Variants in SEZ6L observed in about 807,000 individuals in gnomAD.
SEZ6L encodes seizure 6-like protein.
Under a neutral mutation model 106.2 loss-of-function variants are expected in SEZ6L, and 37 were observed. That is an observed-to-expected ratio of 0.35 (90% CI 0.27 to 0.46). The LOEUF is 0.46. Ranked by LOEUF, SEZ6L falls within the 20% of genes least tolerant of loss-of-function variation. SEZ6L has a pLI of 1.00. For missense variants in SEZ6L, 1,172 were observed against 1,332.8 expected, an observed-to-expected ratio of 0.88 and a Z score of 1.88; for synonymous variants, 541 against 570.4, an observed-to-expected ratio of 0.95 and a Z score of 0.73.
chr22:26,173,740 C>G (rs916256509), intron 1 of SEZ6L, among the ~76,000 whole-genome samples: 1 of 152,206 alleles, frequency 6.6e-6, no homozygotes, highest in Non-Finnish European at 1.5e-5. Flanking sequence ...AGGGCGCCAA[C>G]AGACTCAGTA....
At chr22:26,262,818 G>A (rs1438387140) in intron 1 of SEZ6L, among the ~76,000 whole-genome samples, 1 of 152,154 alleles carries the variant, frequency 6.6e-6, no homozygotes, top group Non-Finnish European at 1.5e-5. Flanking sequence ...TCCCTAAAGG[G>A]AGACCACCAT....
rs5752297 is a variant in SEZ6L at position 26,253,374 on chromosome 22, A to C, written c.95-39032A>C. On this transcript the variant is annotated intron_variant, in intron 1 of 16. Coordinates refer to ENST00000248933, the MANE Select transcript of SEZ6L (RefSeq NM_021115.5). ...GGTGGTACTGCTGCTGCTGCTGATG[A>C]TGATGATATTTAGTTGGTTTTTTTG... Among the ~76,000 whole-genome samples, 189 of 152,272 alleles carry C rather than the reference A, an allele frequency of 1.2e-3. 4 individuals are homozygous for C. In the East Asian group the frequency reaches 0.027, roughly 22 times the overall value.
intron 1 of SEZ6L, among the ~76,000 whole-genome samples, chr22:26,204,900 G>T (rs138602901): frequency 1.6e-3 from 250 of 152,272 alleles, no homozygotes; most frequent in African/African-American, 5.8e-3. Flanking sequence ...CACTGCCCCT[G>T]CCCAGCTCTA....
chr22:26,313,793 G>T lies in SEZ6L; in HGVS notation c.1906G>T (p.Ala636Ser), dbSNP rs770163392. The change falls in exon 9 of 17, where the codon GCT becomes TCT. Residue 636 changes from alanine (A) to serine (S), a missense_variant. Physicochemically the swap from Ala to Ser is moderately conservative, Grantham distance 99 (BLOSUM62 1). Transcript: ENST00000248933. ...AMCGGELSAV[A>S]GVVLSPNWPE... ...GTGTGGTGGGGAGCTCTCTGCTGTG[G>T]CTGGGGTGGTATTGTCCCCAAACTG... 3.1e-6 allele frequency: 5 copies of T among 1,612,234 alleles called. No individual in the cohort carries two copies. The South Asian group carries it at 5.5e-5, about 18-fold the overall frequency.
At chr22:26,340,206 C>A (rs2082783547) in intron 9 of SEZ6L, among the ~76,000 whole-genome samples, 1 of 152,116 alleles carries the variant, frequency 6.6e-6, no homozygotes. Context: ...TGCACTCTAG[C>A]CTGGGTGACA....
chr22:26,246,995 C>T (rs530485539), intron 1 of SEZ6L, among the ~76,000 whole-genome samples: 1 of 152,268 alleles, frequency 6.6e-6, no homozygotes, highest in East Asian at 1.9e-4. Context: ...TTTGCAGACT[C>T]TAGAAGGCTT....
intron 9 of SEZ6L, among the ~76,000 whole-genome samples, chr22:26,334,622 A>G (rs2082589763): frequency 6.6e-6 from 1 of 152,160 alleles, no homozygotes; most frequent in Non-Finnish European, 1.5e-5. Context: ...AAGTCAGGAA[A>G]CCACCGAGGT....
chr22:26,240,673 A>C (rs1184861150), intron 1 of SEZ6L, among the ~76,000 whole-genome samples: 2 of 152,146 alleles, frequency 1.3e-5, no homozygotes, highest in Non-Finnish European at 2.9e-5. Flanking sequence ...TTAGTGGAGC[A>C]CCTACTGTGT....
At chr22:26,225,031 CTT>C (rs2078594950) in intron 1 of SEZ6L, among the ~76,000 whole-genome samples, 1 of 152,158 alleles carries the variant, frequency 6.6e-6, no homozygotes, top group South Asian at 2.1e-4. Context: ...ATAAGCTACT[CTT>C]AACAAATGAA....
In SEZ6L at chr22:26,347,793, T is replaced by C; in HGVS notation, c.2287T>C (p.Leu763=). The change falls in exon 11 of 17, where the codon TTG becomes CTG. Residue 763 remains leucine (L), a synonymous_variant. Transcript: ENST00000248933. ...NGWKTTSHTE[L]VRGARITYQC... is the part of the protein sequence containing the mutation. The stretch of plus-strand genomic sequence containing the variant: ...CTGGAAAACCACTTCTCACACGGAG[T>C]TGGTGCGGGGAGCCAGAATCACCTA... 1.2e-6 allele frequency: 2 copies of C among 1,608,860 alleles called. No homozygotes were observed. The highest frequency in any genetic ancestry group is 2.2e-5 in the South Asian group (2 of 90,202).
intron 12 of SEZ6L, among the ~76,000 whole-genome samples, chr22:26,363,046 G>T (rs1000900630): frequency 9.9e-5 from 15 of 152,208 alleles, no homozygotes; most frequent in African/African-American, 3.1e-4. Context: ...ATAGGGAGTG[G>T]CAGAGACTGG....
chr22:26,223,794 T>C (rs7292403), intron 1 of SEZ6L, among the ~76,000 whole-genome samples: 23,045 of 152,148 alleles, frequency 0.15, 1,963 homozygotes, highest in Middle Eastern at 0.23. Flanking sequence ...ATCATCATGG[T>C]CATTGTCATC....
intron 1 of SEZ6L, among the ~76,000 whole-genome samples, chr22:26,221,739 T>TAC (rs2078477732): frequency 1.9e-5 from 2 of 107,378 alleles, no homozygotes; most frequent in African/African-American, 7.3e-5. Context: ...TGCACACGCG[T>TAC]GCACACACAC....
At chr22:26,256,622 C>G (rs768004584) in intron 1 of SEZ6L, among the ~76,000 whole-genome samples, 1 of 152,214 alleles carries the variant, frequency 6.6e-6, no homozygotes, top group Non-Finnish European at 1.5e-5. Flanking sequence ...CTCTAGGTGA[C>G]TCTCGTGGAC....
intron 1 of SEZ6L, among the ~76,000 whole-genome samples, chr22:26,189,771 G>A (rs1468377291): frequency 1.3e-5 from 2 of 152,142 alleles, no homozygotes; most frequent in Non-Finnish European, 2.9e-5. Flanking sequence ...GCAGACGACT[G>A]TAATATGAAA....
intron 9 of SEZ6L, among the ~76,000 whole-genome samples, chr22:26,318,856 T>C (rs993154472): frequency 1.3e-5 from 2 of 152,188 alleles, no homozygotes; most frequent in African/African-American, 4.8e-5. Context: ...TTCCATCAGT[T>C]GCTTGGGGGA....
intron 11 of SEZ6L, among the ~76,000 whole-genome samples, chr22:26,348,642 AAGAAAAAGAAAGAAAGAAAGAAAG>A (rs1306863922): frequency 6.4e-5 from 2 of 31,212 alleles, no homozygotes; most frequent in South Asian, 1.6e-3. Flanking sequence ...GAAAGAAAGA[AAGAAAAAGAAAGAAAGAAAGAAAG>A]AAAGAAAGAA....
chr22:26,195,944 T>C (rs1416526637), intron 1 of SEZ6L, among the ~76,000 whole-genome samples: 1 of 152,038 alleles, frequency 6.6e-6, no homozygotes, highest in Non-Finnish European at 1.5e-5. Context: ...TAGGGAGTTA[T>C]CAGGCCAAGA....
At chr22:26,328,051 A>G (rs888601731) in intron 9 of SEZ6L, among the ~76,000 whole-genome samples, 4 of 152,196 alleles carry the variant, frequency 2.6e-5, no homozygotes, top group Middle Eastern at 3.2e-3. Flanking sequence ...GAAATGGGGA[A>G]AGTGTGTGGG....
Sources: allele counts gnomAD v4.1 joint callset (sites outside exome capture counted in the v4.1 genomes callset), GRCh38; gene constraint gnomAD v4.1.1; transcripts MANE v1.5; gene names NCBI Gene and HGNC (gene_info 2026-07-23, HGNC 2026-07-21).